Variants in TTC7A observed in about 807,000 individuals in gnomAD.
The protein encoded by TTC7A is tetratricopeptide repeat protein 7A.
A neutral mutation model predicts 103.7 loss-of-function variants in TTC7A; 110 were observed. The ratio of observed to expected loss-of-function variants is 1.06; its 90% CI spans 0.91 to 1.24. The LOEUF is 1.24. TTC7A is among the 50% of genes most tolerant of loss of function. The probability of loss-of-function intolerance (pLI) is 0.00; values close to 1 mark genes in which losing one functional copy is unlikely to be tolerated. For synonymous variants in TTC7A, 521 were observed against 467.9 expected (o/e 1.11, Z -1.47); for missense variants, 1,340 against 1,116.3 (o/e 1.20, Z -2.86).
Position 46,931,323 on chromosome 2 carries a change from C to A in TTC7A, c.82+14046C>A, listed in dbSNP as rs141532984. ...CTAGTCTCGAACTCCTGGCCTCAAG[C>A]AATCCTCTCGCCTCAGCTTCTGAAA... is the stretch of plus-strand genomic sequence containing the variant. On this transcript the variant is annotated intron_variant, in intron 2 of 20. Coordinates refer to the TTC7A transcript ENST00000409245. Among the ~76,000 whole-genome samples the A allele has an allele frequency of 4.6e-3, 700 of 152,356 alleles. 5 individuals carry two copies. Among genetic ancestry groups the A allele is most frequent in the African/African-American group, 0.016 (673 of 41,590 alleles).
At chr2:47,064,070 C>A (rs1573077712) in intron 19 of TTC7A, among the ~76,000 whole-genome samples, 1 of 152,210 alleles carries the variant, frequency 6.6e-6, no homozygotes, top group African/African-American at 2.4e-5. Context: ...TTCTGTGGTT[C>A]TAGCCCTGCT....
intron 5 of TTC7A, among the ~76,000 whole-genome samples, chr2:46,990,312 G>C (rs1446321949): frequency 6.6e-6 from 1 of 152,212 alleles, no homozygotes; most frequent in Middle Eastern, 3.2e-3. Context: ...CCAGCTCTGG[G>C]TTATTTCCTG....
chr2:46,985,552 C>G (rs142570652), intron 5 of TTC7A, among the ~76,000 whole-genome samples: 1 of 152,202 alleles, frequency 6.6e-6, no homozygotes, highest in Non-Finnish European at 1.5e-5. Context: ...AATGCAAATG[C>G]CTTTCTGTAT....
intron 15 of TTC7A, among the ~76,000 whole-genome samples, chr2:47,037,758 G>C (rs1445650440): frequency 6.6e-6 from 1 of 152,198 alleles, no homozygotes; most frequent in African/African-American, 2.4e-5. Flanking sequence ...CCCTTTTACA[G>C]ATGAGGAAAC....
intron 5 of TTC7A, among the ~76,000 whole-genome samples, chr2:46,987,450 G>A (rs1675128847): frequency 6.6e-6 from 1 of 152,184 alleles, no homozygotes; most frequent in Non-Finnish European, 1.5e-5. Flanking sequence ...GGCTCTAACT[G>A]CACTAGGACA....
At chr2:47,048,657 C>G (rs933557206) in intron 16 of TTC7A, among the ~76,000 whole-genome samples, 2 of 152,132 alleles carry the variant, frequency 1.3e-5, no homozygotes, top group African/African-American at 4.8e-5. Flanking sequence ...GGCTGGAGTT[C>G]AGTGGCAGGA....
At chr2:46,952,723 G>T (rs1370377431) in intron 2 of TTC7A, among the ~76,000 whole-genome samples, 3 of 152,194 alleles carry the variant, frequency 2.0e-5, no homozygotes, top group Non-Finnish European at 2.9e-5. Context: ...CTGCACTCCA[G>T]CCTGGGTGAC....
chr2:46,917,241 C>T (rs1254921818), exon 2 of TTC7A: 2 of 694,846 alleles, frequency 2.9e-6, no homozygotes, highest in Non-Finnish European at 5.2e-6. Context: ...GCAATCCTCC[C>T]ACCACCTCCG....
At chr2:46,934,261 G>A (rs539636369) in intron 2 of TTC7A, among the ~76,000 whole-genome samples, 3 of 152,214 alleles carry the variant, frequency 2.0e-5, no homozygotes, top group Non-Finnish European at 2.9e-5. Flanking sequence ...AAATGAACTC[G>A]ATGACTTTTG....
In TTC7A at chr2:47,064,556, G is replaced by A. The variant is rs1358609361; in HGVS notation, c.2355+3585G>A. Among the ~76,000 whole-genome samples, 3 of 152,194 alleles carry A rather than the reference G, an allele frequency of 2.0e-5. No homozygotes were observed. In the South Asian group the frequency reaches 6.2e-4, roughly 31 times the overall value. On this transcript the variant is annotated intron_variant, in intron 19 of 19. Transcript: ENST00000319190. ...GAGGGCTTCAAGGCTTGCCCAGGAA[G>A]GGACCCCCGGCAGCCTGCACTCCTC...
chr2:46,926,793 A>G (rs1197904777), intron 2 of TTC7A, among the ~76,000 whole-genome samples: 1 of 152,242 alleles, frequency 6.6e-6, no homozygotes, highest in African/African-American at 2.4e-5. Context: ...AGAGCAATCA[A>G]CGGACCTCCA....
chr2:46,964,269 C>T (rs951333358), intron 3 of TTC7A, among the ~76,000 whole-genome samples: 1 of 152,076 alleles, frequency 6.6e-6, no homozygotes, highest in South Asian at 2.1e-4. Flanking sequence ...CAAGGGAAGG[C>T]CAAAGGGAAG....
chr2:46,973,503 G>A (rs996049488), intron 3 of TTC7A, among the ~76,000 whole-genome samples: 4 of 152,204 alleles, frequency 2.6e-5, no homozygotes, highest in African/African-American at 9.6e-5. Flanking sequence ...GCAGGTTGCC[G>A]GTTGAGGTGA....
chr2:46,958,614 C>T (rs1006225682), intron 3 of TTC7A: 1 of 1,183,104 alleles, frequency 8.5e-7, no homozygotes, highest in Non-Finnish European at 1.1e-6. Context: ...GCTCCCGTTC[C>T]CCAGTGACTG....
rs544604101 is a variant in TTC7A, at chr2:47,051,623, C to G, written c.2018-123C>G. ...GTGAGCTGCTTTCTGGCTGCCCAGC[C>G]GCACCACCCTACCCTGATTCAGGGT... On this transcript the variant is annotated intron_variant, in intron 17 of 19. Coordinates refer to ENST00000319190, the MANE Select transcript of TTC7A (RefSeq NM_020458.4). The G allele has an allele frequency of 3.9e-6, 5 of 1,276,168 alleles. No individual in the cohort carries two copies. In the Admixed American group the frequency reaches 7.3e-5, roughly 19 times the overall value. 79.1% of individuals were successfully genotyped at this position (1,276,168 alleles called of 1,614,324 possible).
upstream of TTC7A, chr2:46,916,141 C>G (rs533297370): frequency 1.0e-5 from 10 of 985,554 alleles, no homozygotes; most frequent in East Asian, 7.9e-4. Context: ...AGCTGGCTCC[C>G]AACTCCGCTC....
At chr2:47,024,443 C>A in intron 14 of TTC7A, 84 bp downstream of exon 14, 2 of 1,278,828 alleles carry the variant, frequency 1.6e-6, no homozygotes, top group South Asian at 1.4e-5. Context: ...CTGTGTGACC[C>A]TCTGCAAGTG....
intron 8 of TTC7A, among the ~76,000 whole-genome samples, chr2:47,004,625 G>C (rs1050059754): frequency 2.6e-5 from 4 of 152,078 alleles, no homozygotes; most frequent in African/African-American, 9.7e-5. Flanking sequence ...CTCAGACAGA[G>C]GGAGGGAGAT....
upstream of TTC7A, chr2:46,915,943 C>A (rs1261513818): frequency 3.0e-6 from 3 of 985,338 alleles, no homozygotes; most frequent in Non-Finnish European, 3.6e-6. Context: ...GTAATCGGCC[C>A]GGGCCCAGCA....
Sources: gnomAD v4.1 joint callset for allele counts (sites outside exome capture counted in the v4.1 genomes callset) on GRCh38, gnomAD v4.1.1 for gene constraint, MANE v1.5 for transcripts, NCBI Gene and HGNC (gene_info 2026-07-23, HGNC 2026-07-21) for gene names.